The following NET1 variants were observed in gnomAD, a reference collection of about 807,000 sequenced individuals.
The protein encoded by NET1 is neuroepithelial cell transforming 1.
NET1 carries 42 observed loss-of-function variants against 61.1 expected under a neutral mutation model. The observed-to-expected ratio is 0.69, with a 90% CI of 0.54 to 0.89. The LOEUF (loss-of-function observed/expected upper bound fraction) is 0.89. Ranked by LOEUF, NET1 falls within the 40% of genes least tolerant of loss-of-function variation. The pLI is 0.00. For missense variants in NET1, 654 were observed against 747.3 expected, an observed-to-expected ratio of 0.88 and a Z score of 1.46; for synonymous variants, 254 against 281.8, an observed-to-expected ratio of 0.90 and a Z score of 0.99.
In NET1 at chr10:5,451,511, T is replaced by TTA. The variant is rs1554818455; in HGVS notation, c.256-319_256-318insTA. 4.4e-3 allele frequency among the ~76,000 whole-genome samples: 645 copies of TTA among 147,706 alleles called. 1 individual carries two copies. Among genetic ancestry groups the TTA allele is most frequent in the African/African-American group, 9.4e-3 (381 of 40,330 alleles). ...TTTTCATAACAATAAGGCTTTTTTT[T>TTA]AAAAAAAAAAAAAGTTATTCCCTGC... On this transcript the variant is annotated intron_variant, in intron 3 of 11. Coordinates refer to ENST00000355029, the MANE Select transcript of NET1 (RefSeq NM_001047160.3). This position sits in a 1 kb window ranked among gnomAD's most constrained non-coding sequence, Gnocchi z 6.1.
intron 1 of NET1, among the ~76,000 whole-genome samples, chr10:5,413,160 G>A (rs1191654893): frequency 6.6e-6 from 1 of 152,102 alleles, no homozygotes; most frequent in East Asian, 1.9e-4. Flanking sequence ...GTGGCAAAGG[G>A]GCGGGTTTAT....
Position 5,417,400 on chromosome 10 carries a change from G to T in NET1, c.128+4580G>T, listed in dbSNP as rs1216932749. Among the ~76,000 whole-genome samples the T allele has an allele frequency of 6.6e-6, 1 of 152,126 alleles. No homozygotes were observed. Among genetic ancestry groups the T allele is most frequent in the Admixed American group, 6.5e-5 (1 of 15,288 alleles). ...CCGTGGGCCCAGGCCTGGGGATGGA[G>T]CCCTAGCAAGGGACCACGCTCTCCT... On this transcript the variant is annotated intron_variant, in intron 1 of 11. Coordinates refer to ENST00000355029, the MANE Select transcript of NET1 (RefSeq NM_001047160.3). This position sits in a 1 kb window ranked among gnomAD's most constrained non-coding sequence, Gnocchi z 5.5.
rs959493043 is a variant in NET1 at position 5,439,143 on chromosome 10, C to T, written c.255+9914C>T. 6.6e-6 allele frequency among the ~76,000 whole-genome samples: 1 copy of T among 152,218 alleles called. No individual in the cohort carries two copies. The highest frequency in any genetic ancestry group is 1.5e-5 in the Non-Finnish European group (1 of 68,038). ...ATCAGCCAACCCATTTGCCACTGCTCAGGAGCCTGTGTATATCTGTATGTC... is the reference window on the plus strand; with the variant it reads ...ATCAGCCAACCCATTTGCCACTGCTTAGGAGCCTGTGTATATCTGTATGTC... On this transcript the variant is annotated intron_variant, in intron 3 of 11. Transcript: ENST00000355029. The surrounding 1 kb of genome is among the most constrained non-coding windows in gnomAD (Gnocchi z 4.8).
intron 1 of NET1, among the ~76,000 whole-genome samples, chr10:5,413,043 G>A (rs1336662560): frequency 1.5e-5 from 2 of 130,658 alleles, no homozygotes; most frequent in African/African-American, 3.0e-5. Flanking sequence ...GGTTGGGGGG[G>A]GGGACGGGGG....
Position 5,437,238 on chromosome 10 carries a change from T to A in NET1, c.255+8009T>A, listed in dbSNP as rs148557140. The stretch of plus-strand genomic sequence containing the variant: ...CCAGATTGTTTTCTTTTTATTTATC[T>A]ATTTTCATACAGTATGTGTAATGAC... On this transcript the variant is annotated intron_variant, in intron 3 of 11. Transcript: ENST00000355029. The surrounding 1 kb of genome is among the most constrained non-coding windows in gnomAD (Gnocchi z 4.3). Among the ~76,000 whole-genome samples, 30 of 152,374 alleles carry A rather than the reference T, an allele frequency of 2.0e-4. No individual in the cohort carries two copies. The East Asian group carries it at 4.2e-3, about 22-fold the overall frequency.
intron 3 of NET1, among the ~76,000 whole-genome samples, chr10:5,436,857 T>A (rs1165773933): frequency 6.6e-6 from 1 of 152,202 alleles, no homozygotes; most frequent in East Asian, 1.9e-4. Flanking sequence ...GATTTAGCTA[T>A]GATTTCTACT....
rs761817075 is a variant in NET1 at position 5,452,813 on chromosome 10, C to T, written c.532-45C>T. ...GTAATTATCAGTTGTATATAATTTT[C>T]CTTTCTCGAAGGAATGACCTCTGAT... On this transcript the variant is annotated intron_variant, in intron 5 of 11. Transcript: ENST00000355029. This position sits in a 1 kb window ranked among gnomAD's most constrained non-coding sequence, Gnocchi z 4.0. 3.2e-6 allele frequency: 5 copies of T among 1,551,798 alleles called. No individual in the cohort carries two copies. Among genetic ancestry groups the T allele is most frequent in the East Asian group, 2.2e-5 (1 of 44,570 alleles).
At chr10:5,419,500 A>G (rs917508037) in intron 1 of NET1, among the ~76,000 whole-genome samples, 4 of 152,106 alleles carry the variant, frequency 2.6e-5, no homozygotes, top group African/African-American at 9.7e-5. Flanking sequence ...TTTCTTTTGC[A>G]TTAAGTGAGA....
At position 5,443,954 on chromosome 10, in the gene NET1, G is replaced by A. The variant is rs926218079; in HGVS notation, c.256-7876G>A. On this transcript the variant is annotated intron_variant, in intron 3 of 11. Coordinates refer to ENST00000355029, the MANE Select transcript of NET1 (RefSeq NM_001047160.3). The surrounding 1 kb of genome is among the most constrained non-coding windows in gnomAD (Gnocchi z 4.8). Reference sequence around the variant, plus strand: ...AATCCTTTATTCCCTTAGAAACTATGTGGCCGTAAAGTATTGGCCTTACTT... The same window carrying A: ...AATCCTTTATTCCCTTAGAAACTATATGGCCGTAAAGTATTGGCCTTACTT... 2.6e-5 allele frequency among the ~76,000 whole-genome samples: 4 copies of A among 152,186 alleles called. No individual in the cohort carries two copies. The highest frequency in any genetic ancestry group is 5.9e-5 in the Non-Finnish European group (4 of 68,040).
Position 5,457,047 on chromosome 10 carries a change from A to G in NET1, c.*53A>G. The G allele has an allele frequency of 6.7e-7, 1 of 1,491,046 alleles. No homozygotes were observed. The highest frequency in any genetic ancestry group is 8.9e-7 in the Non-Finnish European group (1 of 1,119,708). 92.4% of individuals were successfully genotyped at this position (1,491,046 alleles called of 1,614,324 possible). ...AGAGACTGTTTGTTTATAAATGTGT[A>G]CAGTTTTGTTTTCTCGTAAGGGGAG... is the stretch of plus-strand genomic sequence containing the variant. On this transcript the variant is annotated 3_prime_UTR_variant, in exon 12 of 12. Coordinates refer to ENST00000355029, the MANE Select transcript of NET1 (RefSeq NM_001047160.3). This position sits in a 1 kb window ranked among gnomAD's most constrained non-coding sequence, Gnocchi z 5.4.
intron 3 of NET1, among the ~76,000 whole-genome samples, chr10:5,430,527 A>G (rs1765113709): frequency 6.6e-6 from 1 of 151,998 alleles, no homozygotes; most frequent in Admixed American, 6.6e-5. Flanking sequence ...GGTGTGTGCC[A>G]CCATGCCCGG....
intron 3 of NET1, among the ~76,000 whole-genome samples, chr10:5,448,851 C>T (rs947135702): frequency 6.6e-6 from 1 of 151,966 alleles, no homozygotes; most frequent in Non-Finnish European, 1.5e-5. Flanking sequence ...TGTTCCACTC[C>T]CCCTTCATCA....
In NET1 at chr10:5,422,899, G is replaced by C. The variant is rs981070095; in HGVS notation, c.129-3756G>C. 6.6e-6 allele frequency among the ~76,000 whole-genome samples: 1 copy of C among 152,196 alleles called. No individual in the cohort carries two copies. The highest frequency in any genetic ancestry group is 6.5e-5 in the Admixed American group (1 of 15,284). The stretch of plus-strand genomic sequence containing the variant: ...AGTTTGTTTTTGCCTGATTTGCAAA[G>C]AAATTGAGAACCTCAGTTGCTTGGC... On this transcript the variant is annotated intron_variant, in intron 1 of 11. Transcript: ENST00000355029. The surrounding 1 kb of genome is among the most constrained non-coding windows in gnomAD (Gnocchi z 4.1).
Position 5,426,802 on chromosome 10 carries a change from A to C in NET1, c.195+81A>C. The C allele has an allele frequency of 2.1e-6, 2 of 938,516 alleles. No individual in the cohort carries two copies. The highest frequency in any genetic ancestry group is 3.1e-6 in the Non-Finnish European group (2 of 642,014). The allele number at this position is 938,516 out of a possible 1,614,324, so 58.1% of individuals were successfully genotyped here. ...TTTCTTTCAGTCTGTTACACAGATC[A>C]GTGGTCCTTACTTCTGAGGGTCTTG... On this transcript the variant is annotated intron_variant, in intron 2 of 11. Transcript: ENST00000355029. This position sits in a 1 kb window ranked among gnomAD's most constrained non-coding sequence, Gnocchi z 4.6.
chr10:5,455,947 G>A lies in NET1; in HGVS notation c.1198-140G>A. The A allele has an allele frequency of 1.3e-6, 1 of 790,420 alleles. No homozygotes were observed. The highest frequency in any genetic ancestry group is 2.2e-5 in the South Asian group (1 of 45,816). 49.0% of individuals were successfully genotyped at this position (790,420 alleles called of 1,614,324 possible). On this transcript the variant is annotated intron_variant, in intron 10 of 11. Transcript: ENST00000355029. This position sits in a 1 kb window ranked among gnomAD's most constrained non-coding sequence, Gnocchi z 6.5. Reference sequence around the variant, plus strand: ...TTAGCCTTGAAATTGCCATCTTTATGGATTACTAGATTTGTCACTTAGAGA... The same window carrying A: ...TTAGCCTTGAAATTGCCATCTTTATAGATTACTAGATTTGTCACTTAGAGA...
At position 5,456,365 on chromosome 10, in the gene NET1, G is replaced by T; in HGVS notation, c.1384+92G>T. ...CTTTAAGAATTCTAGAGATGAAATG[G>T]CTCCATTGTCCTATACTTGTTACAT... is the stretch of plus-strand genomic sequence containing the variant. On this transcript the variant is annotated intron_variant, in intron 11 of 11. Coordinates refer to ENST00000355029, the MANE Select transcript of NET1 (RefSeq NM_001047160.3). The surrounding 1 kb of genome is among the most constrained non-coding windows in gnomAD (Gnocchi z 7.0). 1 of 1,260,084 alleles carries T rather than the reference G, an allele frequency of 7.9e-7. No homozygotes were observed. The allele number at this position is 1,260,084 out of a possible 1,614,324, so 78.1% of individuals were successfully genotyped here. A position where few individuals can be genotyped will look rare whatever the true frequency, so the allele number is the denominator to read the frequency against.
At position 5,449,084 on chromosome 10, in the gene NET1, T is replaced by TA. The variant is rs757140251; in HGVS notation, c.256-2743dup. On this transcript the variant is annotated intron_variant, in intron 3 of 11. Coordinates refer to ENST00000355029, the MANE Select transcript of NET1 (RefSeq NM_001047160.3). This position sits in a 1 kb window ranked among gnomAD's most constrained non-coding sequence, Gnocchi z 4.4. The stretch of plus-strand genomic sequence containing the variant: ...ATCTTTTAGGTGGCCTGTGAATGCC[T>TA]AAACCATGTCACTTTTCCACAGAAG... 1.3e-5 allele frequency among the ~76,000 whole-genome samples: 2 copies of TA among 152,222 alleles called. No individual in the cohort carries two copies. The highest frequency in any genetic ancestry group is 2.4e-5 in the African/African-American group (1 of 41,464).
At chr10:5,436,244 ATATAT>A (rs1832434915) in intron 3 of NET1, among the ~76,000 whole-genome samples, 2 of 22,454 alleles carry the variant, frequency 8.9e-5, no homozygotes, top group South Asian at 1.4e-3. Context: ...ATATATATAT[ATATAT>A]TTTTTTTTTT....
intron 1 of NET1, among the ~76,000 whole-genome samples, chr10:5,419,661 G>A (rs1286447299): frequency 6.7e-6 from 1 of 149,944 alleles, no homozygotes; most frequent in African/African-American, 2.5e-5. Flanking sequence ...TTCTTGTAAG[G>A]CAAGTCCGCT....
Sources: allele counts gnomAD v4.1 joint callset (sites outside exome capture counted in the v4.1 genomes callset), GRCh38; gene constraint gnomAD v4.1.1; non-coding constraint Gnocchi (gnomAD v3.1); transcripts MANE v1.5; gene names NCBI Gene and HGNC (gene_info 2026-07-23, HGNC 2026-07-21).